The following NRG1 variants were observed in gnomAD, a reference collection of about 807,000 sequenced individuals.
NRG1 encodes neuregulin 1.
NRG1 carries 18 observed loss-of-function variants against 63.8 expected under a neutral mutation model. The observed-to-expected ratio is 0.28, with a 90% CI of 0.19 to 0.42. The LOEUF (loss-of-function observed/expected upper bound fraction) is 0.42, where lower values mean the gene tolerates loss of function less well. Among genes scored for constraint, NRG1 ranks in the 10% least tolerant of loss-of-function variants. The probability of loss-of-function intolerance (pLI) is 1.00; values close to 1 mark genes in which losing one functional copy is unlikely to be tolerated. For synonymous variants in NRG1, 302 were observed against 301.3 expected (o/e 1.00, Z -0.02); for missense variants, 762 against 814.7 (o/e 0.94, Z 0.79).
chr8:32,118,958 C>A (rs1300056937), intron 1 of NRG1, among the ~76,000 whole-genome samples: 1 of 152,054 alleles, frequency 6.6e-6, no homozygotes, highest in Non-Finnish European at 1.5e-5. Flanking sequence ...AAATAAAGGG[C>A]AAACAGCTTC....
intron 1 of NRG1, among the ~76,000 whole-genome samples, chr8:32,157,689 AAT>A (rs1473163624): frequency 4.7e-5 from 7 of 148,990 alleles, no homozygotes; most frequent in African/African-American, 7.3e-5. Flanking sequence ...TATGTTTATA[AAT>A]ATATAAATAT....
chr8:32,763,371 A>G (rs781668594), intron 11 of NRG1: 3 of 1,612,310 alleles, frequency 1.9e-6, no homozygotes, highest in Non-Finnish European at 2.5e-6. Flanking sequence ...TATAGTATTT[A>G]AGTAATACTT....
intron 1 of NRG1, among the ~76,000 whole-genome samples, chr8:31,682,058 T>A (rs909289667): frequency 6.6e-6 from 1 of 152,266 alleles, no homozygotes. Context: ...CATTGTAGAT[T>A]CCTATAGAAG....
chr8:31,966,700 C>T (rs1044341102), intron 1 of NRG1, among the ~76,000 whole-genome samples: 15 of 152,136 alleles, frequency 9.9e-5, no homozygotes, highest in African/African-American at 3.6e-4. Context: ...ATAGATGTGG[C>T]ACATTCTGGA....
At chr8:32,117,569 G>A (rs1832900297) in intron 1 of NRG1, among the ~76,000 whole-genome samples, 1 of 151,800 alleles carries the variant, frequency 6.6e-6, no homozygotes, top group Non-Finnish European at 1.5e-5. Flanking sequence ...TGGTTACCTA[G>A]GATATATAAA....
At chr8:32,579,003 A>G (rs1840163127) in intron 1 of NRG1, among the ~76,000 whole-genome samples, 2 of 152,306 alleles carry the variant, frequency 1.3e-5, no homozygotes, top group Non-Finnish European at 2.9e-5. Flanking sequence ...TAAAATTCCT[A>G]AATGATGATA....
intron 1 of NRG1, among the ~76,000 whole-genome samples, chr8:31,741,352 C>A (rs1175829524): frequency 6.6e-6 from 1 of 151,644 alleles, no homozygotes; most frequent in African/African-American, 2.4e-5. Flanking sequence ...CACATGTACC[C>A]CCTGAATCTA....
chr8:32,695,560 A>G (rs1364764091), intron 5 of NRG1, among the ~76,000 whole-genome samples: 1 of 152,198 alleles, frequency 6.6e-6, no homozygotes, highest in Non-Finnish European at 1.5e-5. Context: ...CAATCGAGGA[A>G]GAATTAGTTA....
intron 1 of NRG1, among the ~76,000 whole-genome samples, chr8:32,266,157 G>A (rs1050702264): frequency 6.6e-6 from 1 of 152,298 alleles, no homozygotes; most frequent in East Asian, 1.9e-4. Context: ...TCTGAACAAT[G>A]TGTAAATGAT....
At position 32,585,901 on chromosome 8, in the gene NRG1, C is replaced by A. The variant is rs1210842642; in HGVS notation, c.101-9927C>A. Among the ~76,000 whole-genome samples, 5 of 152,084 alleles carry A rather than the reference C, an allele frequency of 3.3e-5. No individual in the cohort carries two copies. In the East Asian group the frequency reaches 9.7e-4, roughly 29 times the overall value. On this transcript the variant is annotated intron_variant, in intron 1 of 11. Transcript: ENST00000356819. ...ATTGTCTGGTAGTTAAGAGCCAGGG[C>A]TCTGGAGTCAAACTTCCTGGGTTCA...
intron 1 of NRG1, among the ~76,000 whole-genome samples, chr8:32,133,770 A>G (rs1835155693): frequency 6.6e-6 from 1 of 152,152 alleles, no homozygotes; most frequent in Non-Finnish European, 1.5e-5. Flanking sequence ...AAGTGGAGGC[A>G]GCAGGCTATT....
intron 1 of NRG1, among the ~76,000 whole-genome samples, chr8:32,027,459 T>C (rs1817601707): frequency 8.9e-6 from 1 of 112,800 alleles, no homozygotes; most frequent in Non-Finnish European, 1.8e-5. Context: ...CTTCCTTCCT[T>C]CCTTCCTTCC....
chr8:32,165,747 C>T (rs570930314), intron 1 of NRG1, among the ~76,000 whole-genome samples: 7 of 152,272 alleles, frequency 4.6e-5, no homozygotes, highest in East Asian at 1.9e-4. Flanking sequence ...GTCTGAACCT[C>T]TTTATCTCAT....
At position 32,728,690 on chromosome 8, in the gene NRG1, T is replaced by G. The variant is rs1054453309; in HGVS notation, c.632+612T>G. The G allele has an allele frequency of 1.3e-5, 13 of 977,876 alleles. No individual in the cohort carries two copies. In the African/African-American group the frequency reaches 2.3e-4, roughly 17 times the overall value. 60.6% of individuals were successfully genotyped at this position (977,876 alleles called of 1,614,324 possible). ...GTAGCATCCCTGTGGGTGACAGCAG[T>G]GTTCTTTCATTTGTCTATAGATATA... On this transcript the variant is annotated intron_variant, in intron 6 of 11. Coordinates refer to ENST00000356819, the Ensembl canonical transcript of NRG1.
chr8:32,031,210 G>C (rs932365589), intron 1 of NRG1, among the ~76,000 whole-genome samples: 1 of 152,192 alleles, frequency 6.6e-6, no homozygotes, highest in African/African-American at 2.4e-5. Context: ...TCCATCACCA[G>C]GCTCTGTCTC....
chr8:31,657,683 C>A (rs1391611416), intron 1 of NRG1, among the ~76,000 whole-genome samples: 1 of 152,182 alleles, frequency 6.6e-6, no homozygotes, highest in Non-Finnish European at 1.5e-5. Flanking sequence ...TTAGAATTTA[C>A]TGAGTTTCTA....
intron 1 of NRG1, among the ~76,000 whole-genome samples, chr8:32,488,363 T>A (rs996503884): frequency 3.3e-5 from 5 of 152,168 alleles, no homozygotes; most frequent in African/African-American, 4.8e-5. Context: ...GTGCAAGTAA[T>A]CTTTCTCTTA....
chr8:31,874,631 AAATAC>A (rs1457790000), intron 1 of NRG1, among the ~76,000 whole-genome samples: 1 of 152,192 alleles, frequency 6.6e-6, no homozygotes, highest in African/African-American at 2.4e-5. Flanking sequence ...AGTTTTTTAA[AAATAC>A]AATTAAATTA....
At chr8:32,589,928 G>A (rs1291076833) in intron 1 of NRG1, among the ~76,000 whole-genome samples, 6 of 152,254 alleles carry the variant, frequency 3.9e-5, no homozygotes, top group African/African-American at 1.4e-4. Flanking sequence ...GTGGTGGTCA[G>A]AATATGAAAT....
Sources: gnomAD v4.1 joint callset for allele counts (sites outside exome capture counted in the v4.1 genomes callset) on GRCh38, gnomAD v4.1.1 for gene constraint, MANE v1.5 for transcripts, NCBI Gene and HGNC (gene_info 2026-07-23, HGNC 2026-07-21) for gene names.